FAM72A: variants seen among roughly 807,000 people sequenced by gnomAD.
FAM72A encodes regulator of UNG2 and MKLN1 interacting yippee protein 1, also known as protein FAM72A.
Under a neutral mutation model 11.3 loss-of-function variants are expected in FAM72A, and 1 was observed. The observed-to-expected ratio is 0.09, with a 90% confidence interval of 0.03 to 0.42. FAM72A has a LOEUF of 0.42. Ranked by LOEUF, FAM72A falls within the 10% of genes least tolerant of loss-of-function variation. FAM72A has a pLI of 0.98. For missense variants in FAM72A, 15 were observed against 135.5 expected (o/e 0.11, Z 4.41); for synonymous variants, 5 against 46.9 (o/e 0.11, Z 3.65).
At chr1:206,192,138 TG>T (rs1453410429) in intron 3 of FAM72A, among the ~76,000 whole-genome samples, 2 of 58,980 alleles carry the variant, frequency 3.4e-5, no homozygotes, top group Admixed American at 2.0e-4. Flanking sequence ...ATATATATTA[TG>T]GTGATCTGTG....
At chr1:206,203,332 C>G (rs1665498027), upstream of FAM72A, 1 of 397,494 alleles carries the variant, frequency 2.5e-6, no homozygotes, top group South Asian at 1.4e-4. Flanking sequence ...TTCAACAACC[C>G]GGGGTGGAGC....
intron 3 of FAM72A, among the ~76,000 whole-genome samples, chr1:206,192,883 C>CACTAACACA (rs1204093626): frequency 1.3e-5 from 2 of 150,412 alleles, no homozygotes; most frequent in East Asian, 3.9e-4. Context: ...AAGGTGGCTA[C>CACTAACACA]ACTAAACAAC....
At chr1:206,198,846 G>A (rs2102395810) in intron 2 of FAM72A, among the ~76,000 whole-genome samples, 1 of 138,864 alleles carries the variant, frequency 7.2e-6, no homozygotes, top group Admixed American at 7.2e-5. Context: ...GAGGCAGGCG[G>A]ATCACCTGAG....
chr1:206,191,727 T>TA (rs1664814831), intron 3 of FAM72A, among the ~76,000 whole-genome samples: 1 of 139,038 alleles, frequency 7.2e-6, no homozygotes, highest in Non-Finnish European at 1.6e-5. Flanking sequence ...AAATATTATT[T>TA]TTTTTTTTTT....
chr1:206,199,018 G>A (rs1553298769), intron 2 of FAM72A, among the ~76,000 whole-genome samples: 1 of 150,868 alleles, frequency 6.6e-6, no homozygotes. Context: ...GGAGGTGGAG[G>A]TTGTGGTGAG....
At position 206,191,719 on chromosome 1, in the gene FAM72A, ATAT is replaced by A. The variant is rs1239420806; in HGVS notation, c.355+4030_355+4032del. ...ATTGGTAGTGTACTTTCTTACTAAA[ATAT>A]TATTTTTTTTTTTTTTTTTTTTTGA... On this transcript the variant is annotated intron_variant, in intron 3 of 3. Transcript: ENST00000367128. Among the ~76,000 whole-genome samples, 1,164 of 128,428 alleles carry A rather than the reference ATAT, an allele frequency of 9.1e-3. 54 individuals carry two copies. Among genetic ancestry groups the A allele is most frequent in the African/African-American group, 0.035 (982 of 27,704 alleles). 84.3% of individuals were successfully genotyped at this position (128,428 alleles called of 152,430 possible). A position where few individuals can be genotyped will look rare whatever the true frequency, so the allele number is the denominator to read the frequency against.
intron 3 of FAM72A, among the ~76,000 whole-genome samples, chr1:206,187,674 C>G (rs1345667584): frequency 2.0e-5 from 3 of 152,116 alleles, no homozygotes; most frequent in Non-Finnish European, 4.4e-5. Context: ...AAGTGATCCT[C>G]CTACCTCAGC....
chr1:206,197,895 C>T (rs1174319286), intron 2 of FAM72A, among the ~76,000 whole-genome samples: 1 of 151,506 alleles, frequency 6.6e-6, no homozygotes, highest in Non-Finnish European at 1.5e-5. Context: ...GCCTGGGCAA[C>T]AGAGCAAGAC....
At chr1:206,193,409 T>G (rs1241118740) in intron 3 of FAM72A, among the ~76,000 whole-genome samples, 1 of 151,710 alleles carries the variant, frequency 6.6e-6, no homozygotes, top group Non-Finnish European at 1.5e-5. Context: ...GTCAGGCTGG[T>G]CTTAAACTCC....
chr1:206,203,184 G>A (rs1457288762), upstream of FAM72A: 1 of 279,036 alleles, frequency 3.6e-6, no homozygotes, highest in African/African-American at 2.2e-5. Context: ...GTCTCCACCG[G>A]TCTCTACTCT....
rs77768147 is a variant in FAM72A at position 206,197,807 on chromosome 1, G to A, written c.231-1931C>T. 6.1e-5 allele frequency among the ~76,000 whole-genome samples: 9 copies of A among 148,552 alleles called. No individual in the cohort carries two copies. In the East Asian group the frequency reaches 1.6e-3, roughly 27 times the overall value. Reference sequence around the variant, plus strand: ...CACGTGCCTGTAGTCCCAGCTACTCGGGAGGCAGAGGTGAGAGAATCACTT... The same window carrying A: ...CACGTGCCTGTAGTCCCAGCTACTCAGGAGGCAGAGGTGAGAGAATCACTT... On this transcript the variant is annotated intron_variant, in intron 2 of 3. Transcript: ENST00000367128.
At chr1:206,198,845 G>A (rs1437991599) in intron 2 of FAM72A, among the ~76,000 whole-genome samples, 31 of 139,678 alleles carry the variant, frequency 2.2e-4, no homozygotes, top group Admixed American at 1.6e-3. Flanking sequence ...CGAGGCAGGC[G>A]GATCACCTGA....
chr1:206,189,516 G>C (rs1218164441), intron 3 of FAM72A, among the ~76,000 whole-genome samples: 3 of 134,266 alleles, frequency 2.2e-5, no homozygotes, highest in African/African-American at 9.7e-5. Flanking sequence ...TGTCATGGAA[G>C]AGCTGACAGG....
chr1:206,198,363 T>TA (rs1178799039), intron 2 of FAM72A, among the ~76,000 whole-genome samples: 4,132 of 140,976 alleles, frequency 0.029, 86 homozygotes, highest in Middle Eastern at 0.046. Flanking sequence ...AACTCCGTCT[T>TA]AAAAAAAAAA....
chr1:206,203,822 C>A, upstream of FAM72A: 4 of 1,528,322 alleles, frequency 2.6e-6, no homozygotes, highest in Non-Finnish European at 3.5e-6. Flanking sequence ...CTCTCCAAAT[C>A]TCCCAGTACA....
At chr1:206,191,526 C>T (rs1295759338) in intron 3 of FAM72A, among the ~76,000 whole-genome samples, 5 of 150,806 alleles carry the variant, frequency 3.3e-5, no homozygotes, top group Non-Finnish European at 4.4e-5. Flanking sequence ...GCATGAGAAT[C>T]GCTTGAACCT....
upstream of FAM72A, chr1:206,203,439 T>G (rs1553299754): frequency 5.0e-6 from 2 of 402,216 alleles, no homozygotes; most frequent in East Asian, 7.1e-5. Flanking sequence ...GCTCTTCCTA[T>G]TGGCTATGGG....
upstream of FAM72A, chr1:206,203,347 T>A: frequency 2.5e-6 from 1 of 396,906 alleles, no homozygotes; most frequent in Middle Eastern, 6.3e-4. Flanking sequence ...TGGAGCTTAA[T>A]CTGTGACCAC....
chr1:206,191,671 G>T (rs1428740369), intron 3 of FAM72A, among the ~76,000 whole-genome samples: 5 of 124,796 alleles, frequency 4.0e-5, no homozygotes, highest in African/African-American at 7.1e-5. Context: ...CAAGGAAAAA[G>T]AAATTTTTTT....
Sources: allele counts gnomAD v4.1 joint callset (sites outside exome capture counted in the v4.1 genomes callset), GRCh38; gene constraint gnomAD v4.1.1; transcripts MANE v1.5; gene names NCBI Gene and HGNC (gene_info 2026-07-23, HGNC 2026-07-21).